NIN: variants seen among roughly 807,000 people sequenced by gnomAD.
The protein encoded by NIN is ninein.
Under a neutral mutation model 257.6 loss-of-function variants are expected in NIN, and 137 were observed. The observed-to-expected ratio is 0.53, with a 90% CI of 0.46 to 0.61. The LOEUF (loss-of-function observed/expected upper bound fraction) is 0.61, where lower values mean the gene tolerates loss of function less well. NIN is among the 20% of genes least tolerant of loss of function. NIN has a pLI of 0.00. For missense variants in NIN, 2,439 were observed against 2,501.2 expected (o/e 0.98, Z 0.53); for synonymous variants, 918 against 919.8 (o/e 1.00, Z 0.04).
Position 50,722,738 on chromosome 14 carries a change from G to A in NIN, c.*725C>T. ...ATTATGTGGCTTTATCCGTTTCTTA[G>A]AAGACCAGCTCCCCAAATGAAACTT... On this transcript the variant is annotated 3_prime_UTR_variant, in exon 31 of 31. Coordinates refer to ENST00000530997, the MANE Select transcript of NIN (RefSeq NM_020921.4). The A allele has an allele frequency of 4.6e-6, 1 of 215,114 alleles. No homozygotes were observed. Among genetic ancestry groups the A allele is most frequent in the Non-Finnish European group, 9.4e-6 (1 of 106,330 alleles). 13.3% of individuals were successfully genotyped at this position (215,114 alleles called of 1,614,324 possible).
At chr14:50,735,393 C>CT (rs1160163378) in intron 28 of NIN, 123 bp downstream of exon 28, 1 of 1,360,400 alleles carries the variant, frequency 7.4e-7, no homozygotes, top group Non-Finnish European at 9.7e-7. Flanking sequence ...AAGAATTCAA[C>CT]TTGGCAGTGT....
chr14:50,727,018 G>A (rs970236641), intron 29 of NIN, among the ~76,000 whole-genome samples: 1 of 152,012 alleles, frequency 6.6e-6, no homozygotes, highest in Admixed American at 6.6e-5. Flanking sequence ...ATAGGCAAAG[G>A]TCTAATGCAG....
Position 50,725,938 on chromosome 14 carries a change from A to C in NIN, c.6192+15T>G. 6.2e-7 allele frequency: 1 copy of C among 1,614,018 alleles called. No individual in the cohort carries two copies. Among genetic ancestry groups the C allele is most frequent in the Non-Finnish European group, 8.5e-7 (1 of 1,179,902 alleles). On this transcript the variant is annotated intron_variant, in intron 30 of 30. Coordinates refer to ENST00000530997, the MANE Select transcript of NIN (RefSeq NM_020921.4). ...AATGTGAGGTGGGTGAACAGAGATG[A>C]CCGGGTAGGCTCACTTGTTCTTTGA...
Position 50,758,614 on chromosome 14 carries a change from C to G in NIN, c.2416G>C (p.Glu806Gln), listed in dbSNP as rs1237351313. The G allele has an allele frequency of 1.3e-6, 2 of 1,564,590 alleles. No homozygotes were observed. The highest frequency in any genetic ancestry group is 2.8e-5 in the African/African-American group (2 of 72,484). Residue 806 changes from glutamate to glutamine, a missense_variant, in exon 18 of 31, where the codon GAG becomes CAG. By Grantham distance (29) the Glu-to-Gln change is conservative. Coordinates refer to ENST00000530997, the MANE Select transcript of NIN (RefSeq NM_020921.4). ...ATTTGAGAGGTTCTTCTATTACACT[C>G]TGTTTCCATTTTTTCCCTAAATATA... The part of the protein sequence containing the change: ...LQEGREKMET[E>Q]CNRRTSQIEA...
chr14:50,748,850 A>C (rs992399974), intron 21 of NIN, among the ~76,000 whole-genome samples: 1 of 152,232 alleles, frequency 6.6e-6, no homozygotes, highest in African/African-American at 2.4e-5. Flanking sequence ...GCTCATGGAT[A>C]GGAAGAATCA....
intron 3 of NIN, among the ~76,000 whole-genome samples, 172 bp downstream of exon 3, chr14:50,821,700 CTT>C (rs955676964): frequency 6.6e-6 from 1 of 152,162 alleles, no homozygotes; most frequent in Non-Finnish European, 1.5e-5. Flanking sequence ...AAAGCAGGCT[CTT>C]GTCACCCTAG....
At chr14:50,733,034 C>A (rs898456725) in intron 28 of NIN, among the ~76,000 whole-genome samples, 14 of 151,956 alleles carry the variant, frequency 9.2e-5, no homozygotes, top group African/African-American at 3.1e-4. Flanking sequence ...CAACACTGAA[C>A]TCTAGCCTGG....
Position 50,773,295 on chromosome 14 carries a change from A to G in NIN, c.667-200T>C, listed in dbSNP as rs934580119. 3.3e-5 allele frequency among the ~76,000 whole-genome samples: 5 copies of G among 152,198 alleles called. No individual in the cohort carries two copies. The East Asian group carries it at 5.8e-4, about 18-fold the overall frequency. ...CCTTCCCACAAACTAAATAAAAGTC[A>G]ATTTCCAACATCTTCATAATCTTAT... On this transcript the variant is annotated intron_variant, in intron 7 of 30. Transcript: ENST00000530997.
Position 50,831,039 on chromosome 14 carries a change from C to T in NIN, c.-109G>A, listed in dbSNP as rs2045683560. 3 of 150,818 alleles carry T rather than the reference C, an allele frequency of 2.0e-5. No individual in the cohort carries two copies. The South Asian group carries it at 6.2e-4, about 31-fold the overall frequency. 9.3% of individuals were successfully genotyped at this position (150,818 alleles called of 1,614,324 possible). On this transcript the variant is annotated 5_prime_UTR_variant, in exon 1 of 31. Coordinates refer to ENST00000530997, the MANE Select transcript of NIN (RefSeq NM_020921.4). ...GGGGCTCAGGCGCCCGGCGCCGCCG[C>T]GGGAACCATGGCCGCTGGCGCACTC... is the stretch of plus-strand genomic sequence containing the variant.
At chr14:50,814,432 T>C (rs1290196028) in intron 3 of NIN, among the ~76,000 whole-genome samples, 1 of 152,232 alleles carries the variant, frequency 6.6e-6, no homozygotes, top group African/African-American at 2.4e-5. Context: ...GGTGCTATGA[T>C]AAGCCTTTGA....
intron 29 of NIN, among the ~76,000 whole-genome samples, chr14:50,726,771 T>C (rs574979957): frequency 6.6e-6 from 1 of 152,266 alleles, no homozygotes; most frequent in South Asian, 2.1e-4. Flanking sequence ...TAGAATGCAA[T>C]TGACTTATTA....
intron 5 of NIN, among the ~76,000 whole-genome samples, chr14:50,789,402 G>A (rs1020158863): frequency 2.0e-5 from 3 of 152,096 alleles, no homozygotes; most frequent in African/African-American, 2.4e-5. Context: ...GTGAAACCCC[G>A]TCTCTACTAG....
intron 13 of NIN, 61 bp from the exon 14 acceptor site, chr14:50,766,457 A>G: frequency 7.0e-7 from 1 of 1,435,126 alleles, no homozygotes. Flanking sequence ...GACCCAACAC[A>G]GCAAAGGCCC....
At position 50,741,657 on chromosome 14, in the gene NIN, C is replaced by G. The variant is rs1481074400; in HGVS notation, c.5373G>C (p.Val1791=). ...TTAAAGCCTCCTTTTCCTGCTGAGT[C>G]ACTCGTAGGTCAGATTTCATCCGGG... ...QMSRMKSDLR[V]TQQEKEALKQ... Residue 1791 remains valine (V), a synonymous_variant, in exon 25 of 31, where the codon GTG becomes GTC. Coordinates refer to ENST00000530997, the MANE Select transcript of NIN (RefSeq NM_020921.4). 4 of 1,614,130 alleles carry G rather than the reference C, an allele frequency of 2.5e-6. No individual in the cohort carries two copies. The highest frequency in any genetic ancestry group is 3.3e-4 in the Middle Eastern group (2 of 6,062).
chr14:50,757,207 C>T lies in NIN; in HGVS notation c.3823G>A (p.Glu1275Lys), dbSNP rs767111145. The T allele has an allele frequency of 6.2e-7, 1 of 1,614,040 alleles. No homozygotes were observed. Residue 1275 changes from glutamate to lysine, a missense_variant, in exon 18 of 31, where the codon GAG becomes AAG. Around this residue, in one of 3 missense-constraint regions of NIN, gnomAD observed 2,043 missense variants for 2,050.2 expected, o/e 1.00. Transcript: ENST00000530997. ...AGTTCTTTGTTATTTTCTAGTGCCT[C>T]ATCGTAGCGTGTCTCCATCATTCTC... ...ELRMMETRYD[E>K]ALENNKELTA...
chr14:50,822,174 T>C, intron 2 of NIN, 97 bp from the exon 3 acceptor site: 1 of 841,568 alleles, frequency 1.2e-6, no homozygotes, highest in Non-Finnish European at 1.9e-6. Flanking sequence ...ACCCCACCAG[T>C]CTCTAGGGAA....
At chr14:50,828,702 T>C (rs759755641) in intron 2 of NIN, among the ~76,000 whole-genome samples, 3 of 152,356 alleles carry the variant, frequency 2.0e-5, no homozygotes, top group South Asian at 2.1e-4. Flanking sequence ...ATCAAGATAG[T>C]TGAAATGTTA....
chr14:50,776,454 C>G (rs1261857144), intron 7 of NIN, among the ~76,000 whole-genome samples: 4 of 152,208 alleles, frequency 2.6e-5, no homozygotes, highest in Non-Finnish European at 5.9e-5. Context: ...AGCAGTTTAG[C>G]TCCTCGTCAG....
At chr14:50,742,109 T>A (rs2041312014) in intron 24 of NIN, 1 of 162,556 alleles carries the variant, frequency 6.2e-6, no homozygotes, top group South Asian at 1.8e-4. Flanking sequence ...AATAAAAATA[T>A]ATACTTGTAG....
Sources: allele counts gnomAD v4.1 joint callset (sites outside exome capture counted in the v4.1 genomes callset), GRCh38; gene constraint gnomAD v4.1.1; regional missense constraint gnomAD v4.1.1; transcripts MANE v1.5; gene names NCBI Gene and HGNC (gene_info 2026-07-23, HGNC 2026-07-21).